Variants in NDUFA10 observed in about 807,000 individuals in gnomAD.
NDUFA10 encodes the protein NADH dehydrogenase [ubiquinone] 1 alpha subcomplex subunit 10, mitochondrial.
Under a neutral mutation model 47.8 loss-of-function variants are expected in NDUFA10, and 40 were observed. That is an observed-to-expected ratio of 0.84 (90% CI 0.65 to 1.09). The LOEUF (loss-of-function observed/expected upper bound fraction) is 1.09, where lower values mean the gene tolerates loss of function less well. Ranked by LOEUF, NDUFA10 falls within the 50% of genes least tolerant of loss-of-function variation. The pLI, the probability that NDUFA10 is intolerant of heterozygous loss-of-function variation, is 0.00. For missense variants in NDUFA10, 413 were observed against 451.1 expected (o/e 0.92, Z 0.76); for synonymous variants, 183 against 172.2 (o/e 1.06, Z -0.49).
chr2:239,899,688 G>C (rs529728519), intron 4 of NDUFA10, among the ~76,000 whole-genome samples: 51 of 152,204 alleles, frequency 3.4e-4, no homozygotes, highest in African/African-American at 1.1e-3. Flanking sequence ...GGGCCACCCT[G>C]CACATCCCTG....
intron 1 of NDUFA10, 21 bp downstream of exon 1, chr2:240,025,206 G>T: frequency 8.6e-7 from 1 of 1,162,386 alleles, no homozygotes; most frequent in Non-Finnish European, 1.1e-6. Flanking sequence ...CCGCCACCCT[G>T]CCACCCCGCC....
At chr2:239,918,495 A>C (rs1693915629) in intron 4 of NDUFA10, among the ~76,000 whole-genome samples, 1 of 152,178 alleles carries the variant, frequency 6.6e-6, no homozygotes, top group Non-Finnish European at 1.5e-5. Flanking sequence ...TCTCCCAAGG[A>C]CAGACCCTGA....
downstream of NDUFA10, among the ~76,000 whole-genome samples, chr2:239,952,961 A>C (rs190480375): frequency 5.3e-5 from 8 of 152,314 alleles, no homozygotes; most frequent in African/African-American, 1.2e-4. Flanking sequence ...AGGTAAGAAG[A>C]AGCTGAAGGG....
rs1697656106 is a variant in NDUFA10 at position 240,022,298 on chromosome 2, T to C, written c.118A>G (p.Met40Val). 1 of 1,614,088 alleles carries C rather than the reference T, an allele frequency of 6.2e-7. No individual in the cohort carries two copies. Residue 40 changes from methionine to valine, a missense_variant, in exon 2 of 10, where the codon ATG (methionine) becomes GTG (valine). By Grantham distance (21) the Met-to-Val change is conservative. Coordinates refer to ENST00000252711, the MANE Select transcript of NDUFA10 (RefSeq NM_004544.4). ...SSVQCKLRYG[M>V]WHFLLGDKAS... ...TTATCCCCAAGTAGGAAATGCCACATTCCATAGCGCAGTTTGCACTGCACA... is the reference window on the plus strand; with the variant it reads ...TTATCCCCAAGTAGGAAATGCCACACTCCATAGCGCAGTTTGCACTGCACA...
chr2:239,893,575 G>A (rs1051648114), intron 5 of NDUFA10, among the ~76,000 whole-genome samples: 15 of 152,292 alleles, frequency 9.8e-5, no homozygotes, highest in African/African-American at 2.6e-4. Flanking sequence ...CCTCCAGAGC[G>A]GAGAACTGCT....
chr2:239,906,293 G>C lies in NDUFA10; in HGVS notation c.295-10979C>G, dbSNP rs77151027. Among the ~76,000 whole-genome samples the C allele has an allele frequency of 6.6e-6, 1 of 152,022 alleles. No individual in the cohort carries two copies. The highest frequency in any genetic ancestry group is 1.5e-5 in the Non-Finnish European group (1 of 67,978). On this transcript the variant is annotated intron_variant, in intron 4 of 5. Coordinates refer to the NDUFA10 transcript ENST00000419408. This position sits in a 1 kb window ranked among gnomAD's most constrained non-coding sequence, Gnocchi z 4.3. ...CTGTTCAAGCTCTTAGCAAAACTGCGGCTTCAGTTGTGCCTTGCTGACTGT... is the reference window on the plus strand; with the variant it reads ...CTGTTCAAGCTCTTAGCAAAACTGCCGCTTCAGTTGTGCCTTGCTGACTGT...
At chr2:239,969,585 T>G in intron 9 of NDUFA10, 1 of 463,706 alleles carries the variant, frequency 2.2e-6, no homozygotes, top group South Asian at 1.6e-5. Context: ...TCTAGGACAC[T>G]CATCAGCCTG....
At position 239,959,747 on chromosome 2, in the gene NDUFA10, G is replaced by A. The variant is rs1694771914; in HGVS notation, c.*1371C>T. 17 of 697,886 alleles carry A rather than the reference G, an allele frequency of 2.4e-5. No homozygotes were observed. The highest frequency in any genetic ancestry group is 2.6e-5 in the Non-Finnish European group (15 of 574,386). 43.2% of individuals were successfully genotyped at this position (697,886 alleles called of 1,614,324 possible). A position where few individuals can be genotyped will look rare whatever the true frequency, so the allele number is the denominator to read the frequency against. On this transcript the variant is annotated 3_prime_UTR_variant, in exon 10 of 10. Transcript: ENST00000252711. ...CAGACGGAAGGAAGGAAGAGAAGGA[G>A]GGAAGGAAAGAGGCAGGGAGGAAGG...
intron 9 of NDUFA10, among the ~76,000 whole-genome samples, chr2:239,984,143 G>C (rs1185849462): frequency 1.3e-5 from 2 of 151,842 alleles, no homozygotes; most frequent in Non-Finnish European, 2.9e-5. Context: ...TGAGGCACAA[G>C]AATCGCTTAA....
chr2:239,995,058 T>C (rs953789162), intron 8 of NDUFA10, among the ~76,000 whole-genome samples: 41 of 152,032 alleles, frequency 2.7e-4, no homozygotes, highest in African/African-American at 9.2e-4. Context: ...GCAGATCACT[T>C]GAGATTAGGA....
At chr2:239,996,972 A>C (rs1696506437) in intron 8 of NDUFA10, among the ~76,000 whole-genome samples, 2 of 151,668 alleles carry the variant, frequency 1.3e-5, no homozygotes, top group Non-Finnish European at 1.5e-5. Context: ...GTAATACAAT[A>C]ATATAGTATT....
chr2:239,961,410 G>C (rs1398149812), intron 9 of NDUFA10, among the ~76,000 whole-genome samples: 3 of 152,194 alleles, frequency 2.0e-5, no homozygotes, highest in Non-Finnish European at 4.4e-5. Flanking sequence ...CCTAGGGCTG[G>C]GAGCCACAAA....
Position 239,928,613 on chromosome 2 carries a change from C to T in NDUFA10, c.295-33299G>A, listed in dbSNP as rs1000356419. Among the ~76,000 whole-genome samples, 3 of 152,148 alleles carry T rather than the reference C, an allele frequency of 2.0e-5. No homozygotes were observed. Among genetic ancestry groups the T allele is most frequent in the South Asian group, 2.1e-4 (1 of 4,822 alleles). Reference sequence around the variant, plus strand: ...CAACTATGCTCTCCCCACAGGTGACCTCATCCAGGGCCCTGGGGGACACTC... The same window carrying T: ...CAACTATGCTCTCCCCACAGGTGACTTCATCCAGGGCCCTGGGGGACACTC... On this transcript the variant is annotated intron_variant, in intron 4 of 5. Transcript: ENST00000419408. The surrounding 1 kb of genome is among the most constrained non-coding windows in gnomAD (Gnocchi z 4.3).
At chr2:239,974,821 C>T (rs1337970969) in intron 9 of NDUFA10, among the ~76,000 whole-genome samples, 1 of 149,800 alleles carries the variant, frequency 6.7e-6, no homozygotes, top group Non-Finnish European at 1.5e-5. Flanking sequence ...AAGATCTGGT[C>T]ATTTAAAAAT....
intron 4 of NDUFA10, among the ~76,000 whole-genome samples, chr2:239,907,480 G>T (rs1375807763): frequency 1.3e-5 from 2 of 152,122 alleles, no homozygotes; most frequent in African/African-American, 4.8e-5. Flanking sequence ...ATGGGAGAAA[G>T]TTTTTATGAT....
At chr2:240,022,501 C>T (rs1318320571) in intron 1 of NDUFA10, among the ~76,000 whole-genome samples, 161 bp from the exon 2 acceptor site, 1 of 152,150 alleles carries the variant, frequency 6.6e-6, no homozygotes, top group Non-Finnish European at 1.5e-5. Context: ...TGTCTATCCC[C>T]CACCACTCTG....
chr2:239,955,445 C>T (rs1475245320), downstream of NDUFA10, among the ~76,000 whole-genome samples: 2 of 152,196 alleles, frequency 1.3e-5, no homozygotes, highest in Non-Finnish European at 2.9e-5. Context: ...AGCTTGTCCT[C>T]ATCAGGGAGC....
intron 1 of NDUFA10, among the ~76,000 whole-genome samples, chr2:240,023,137 A>C (rs1185643964): frequency 6.6e-6 from 1 of 152,206 alleles, no homozygotes; most frequent in Admixed American, 6.5e-5. Flanking sequence ...CTCCACACTA[A>C]AGTGGGAACA....
intron 4 of NDUFA10, among the ~76,000 whole-genome samples, chr2:239,903,652 G>A (rs151225826): frequency 0.01 from 1,539 of 152,344 alleles, 28 homozygotes; most frequent in African/African-American, 0.033. Context: ...CCTATTATAT[G>A]TATATTCAGA....
Sources: gnomAD v4.1 joint callset for allele counts (sites outside exome capture counted in the v4.1 genomes callset) on GRCh38, gnomAD v4.1.1 for gene constraint, Gnocchi (gnomAD v3.1) non-coding constraint, MANE v1.5 for transcripts, NCBI Gene and HGNC (gene_info 2026-07-23, HGNC 2026-07-21) for gene names.